ERICH1: variants seen among roughly 807,000 people sequenced by gnomAD.
The protein encoded by ERICH1 is glutamate rich 1, also known as glutamate-rich protein 1.
Under a neutral mutation model 39.6 loss-of-function variants are expected in ERICH1, and 56 were observed. The ratio of observed to expected loss-of-function variants is 1.41; its 90% confidence interval spans 1.14 to 1.77. ERICH1 has a LOEUF of 1.77. Ranked by LOEUF, ERICH1 falls within the 40% of genes most tolerant of loss-of-function variation. ERICH1 has a pLI of 0.00. For synonymous variants in ERICH1, 313 were observed against 223.6 expected (o/e 1.40, Z -3.57); for missense variants, 826 against 575.4 (o/e 1.44, Z -4.45).
At chr8:720,587 A>T (rs946490711) in intron 1 of ERICH1, among the ~76,000 whole-genome samples, 2 of 152,158 alleles carry the variant, frequency 1.3e-5, no homozygotes, top group Non-Finnish European at 1.5e-5. Flanking sequence ...AGGGATTTGG[A>T]TGTGCTAATT....
At chr8:651,903 A>G (rs1800003904) in intron 3 of ERICH1, among the ~76,000 whole-genome samples, 1 of 152,220 alleles carries the variant, frequency 6.6e-6, no homozygotes, top group African/African-American at 2.4e-5. Flanking sequence ...CCTCTTGATG[A>G]GAAAAAAGCC....
chr8:664,670 G>T lies in ERICH1; in HGVS notation c.1265C>A (p.Ala422Asp). The T allele has an allele frequency of 6.2e-7, 1 of 1,609,716 alleles. No homozygotes were observed. Among genetic ancestry groups the T allele is most frequent in the East Asian group, 2.2e-5 (1 of 44,838 alleles). The part of the protein sequence containing the change: ...PEHCTMPPDH[A>D]RVISAFFSYW... The stretch of plus-strand genomic sequence containing the variant: ...ACTAAAGAAAGCTGAGATTACTCTG[G>T]CATGGTCTAGAAAGCAAAAAACACA... Residue 422 changes from alanine to aspartate, a missense_variant, in exon 6 of 6, where the codon GCC (alanine) becomes GAC (aspartate). Physicochemically the swap from Ala to Asp is moderately radical, Grantham distance 126 (BLOSUM62 -2). Transcript: ENST00000262109.
chr8:668,542 C>G, intron 5 of ERICH1, 56 bp downstream of exon 5: 1 of 1,603,230 alleles, frequency 6.2e-7, no homozygotes, highest in East Asian at 2.2e-5. Context: ...CTTTCAGAGG[C>G]AAACCTCGAT....
rs558663926 is a variant in ERICH1, at chr8:635,961, A to T, written c.977-20677T>A. ...GATTCCTCATCCTGCGAGCCGTTCA[A>T]CCAGGGCGAGAAGGCCTCCGCCTCG... On this transcript the variant is annotated intron_variant, in intron 3 of 3. Coordinates refer to the ERICH1 transcript ENST00000522706. Among the ~76,000 whole-genome samples, 3 of 152,330 alleles carry T rather than the reference A, an allele frequency of 2.0e-5. No homozygotes were observed. The South Asian group carries it at 6.2e-4, about 32-fold the overall frequency.
chr8:665,043 A>C (rs555771895), intron 5 of ERICH1, among the ~76,000 whole-genome samples: 1 of 152,382 alleles, frequency 6.6e-6, no homozygotes, highest in South Asian at 2.1e-4. Context: ...ATAGAAGTTT[A>C]TCTCAAGGGT....
At chr8:614,853 G>A in exon 4 of ERICH1, 1 of 194,858 alleles carries the variant, frequency 5.1e-6, no homozygotes, top group Non-Finnish European at 1.0e-5. Flanking sequence ...TTCGTGACAG[G>A]TGGAAGTTGG....
intron 4 of ERICH1, among the ~76,000 whole-genome samples, chr8:671,434 G>A (rs1421039602): frequency 5.8e-5 from 8 of 138,592 alleles, no homozygotes; most frequent in African/African-American, 1.9e-4. Flanking sequence ...TGCCGGCCCC[G>A]GCTCTAATGT....
At chr8:727,533 T>A (rs1819058581) in intron 1 of ERICH1, among the ~76,000 whole-genome samples, 1 of 152,184 alleles carries the variant, frequency 6.6e-6, no homozygotes, top group African/African-American at 2.4e-5. Context: ...TGCAGACCCC[T>A]TGGCCCTGGA....
chr8:685,194 G>C (rs1405744126), intron 3 of ERICH1, among the ~76,000 whole-genome samples: 2 of 152,050 alleles, frequency 1.3e-5, no homozygotes, highest in Admixed American at 1.3e-4. Context: ...CTTTTTCCAG[G>C]GCTCTTAATT....
intron 1 of ERICH1, 48 bp downstream of exon 1, chr8:731,092 A>G: frequency 7.1e-7 from 1 of 1,418,196 alleles, no homozygotes. Context: ...GTCTGAGCCG[A>G]GAGCCGGGTC....
chr8:668,857 C>T (rs1802712186), intron 4 of ERICH1, 65 bp from the exon 5 acceptor site: 1 of 1,444,542 alleles, frequency 6.9e-7, no homozygotes, highest in Non-Finnish European at 9.3e-7. Flanking sequence ...TAAAGATAAG[C>T]TTTCCTCTCT....
chr8:707,884 G>T (rs370949826), intron 2 of ERICH1, among the ~76,000 whole-genome samples: 1 of 152,146 alleles, frequency 6.6e-6, no homozygotes, highest in Non-Finnish European at 1.5e-5. Context: ...GAAAATATTC[G>T]CAAATCAGGT....
intron 3 of ERICH1, among the ~76,000 whole-genome samples, chr8:650,074 G>A (rs772507603): frequency 1.3e-5 from 2 of 152,220 alleles, no homozygotes; most frequent in Non-Finnish European, 2.9e-5. Context: ...CTTTCGTGCC[G>A]GTTCAGAAGA....
intron 3 of ERICH1, chr8:627,035 C>A: frequency 2.2e-6 from 1 of 445,356 alleles, no homozygotes; most frequent in East Asian, 7.1e-5. Context: ...ACACTCCCTT[C>A]TGTCTCCTCG....
intron 5 of ERICH1, 45 bp downstream of exon 5, chr8:668,553 G>A (rs1414853681): frequency 2.2e-5 from 36 of 1,608,430 alleles, no homozygotes; most frequent in Non-Finnish European, 3.1e-5. Flanking sequence ...AAACCTCGAT[G>A]AGAGTATCTT....
intron 1 of ERICH1, among the ~76,000 whole-genome samples, chr8:719,511 C>T (rs1346818485): frequency 1.3e-5 from 2 of 152,232 alleles, no homozygotes; most frequent in African/African-American, 4.8e-5. Flanking sequence ...GTGAGGTCTG[C>T]TGGGTTTCTC....
In ERICH1 at chr8:673,995, T is replaced by A; in HGVS notation, c.357A>T (p.Ser119=). 1 of 1,583,156 alleles carries A rather than the reference T, an allele frequency of 6.3e-7. No individual in the cohort carries two copies. Among genetic ancestry groups the A allele is most frequent in the Non-Finnish European group, 8.5e-7 (1 of 1,173,962 alleles). Residue 119 remains serine, a synonymous_variant, in exon 4 of 6, where the codon TCA becomes TCT. Transcript: ENST00000262109. ...PKRRRIRKHK[S]KKKFKNPNNV... ...TATTGGGATTTTTAAATTTTTTCTT[T>A]GATTTATGCTTCCTAATTCTTCTTC...
At chr8:619,599 A>G (rs1797152433) in intron 3 of ERICH1, among the ~76,000 whole-genome samples, 1 of 152,198 alleles carries the variant, frequency 6.6e-6, no homozygotes, top group Non-Finnish European at 1.5e-5. Context: ...AGATTAATAT[A>G]ACAAACTTTA....
chr8:616,404 G>T, intron 3 of ERICH1: 1 of 393,938 alleles, frequency 2.5e-6, no homozygotes, highest in South Asian at 1.9e-5. Flanking sequence ...CCTGCCACGT[G>T]TGTGAGGCTG....
Sources: allele counts gnomAD v4.1 joint callset (sites outside exome capture counted in the v4.1 genomes callset), GRCh38; gene constraint gnomAD v4.1.1; transcripts MANE v1.5; gene names NCBI Gene and HGNC (gene_info 2026-07-23, HGNC 2026-07-21).